Variants in SLC38A12 observed in about 807,000 individuals in gnomAD.
SLC38A12 encodes the protein solute carrier family 38 member 12.
chr17:74,799,050 C>T, the SLC38A12 span, among the ~76,000 whole-genome samples: 5 of 152,132 alleles, frequency 3.3e-5, no homozygotes, highest in African/African-American at 1.2e-4. Context: ...ATCAAGGGCA[C>T]TGCCCAGCAC....
chr17:74,839,032 T>A, the SLC38A12 span: 1 of 1,535,728 alleles, frequency 6.5e-7, no homozygotes, highest in East Asian at 2.4e-5. Context: ...ATGCCCCCGG[T>A]GCAGGCCAGG....
At chr17:74,806,098 G>A in the SLC38A12 span, among the ~76,000 whole-genome samples, 3 of 152,222 alleles carry the variant, frequency 2.0e-5, no homozygotes, top group Admixed American at 6.5e-5. Context: ...GGAGGTGTGG[G>A]TGTTTTTTCC....
the SLC38A12 span, among the ~76,000 whole-genome samples, chr17:74,832,064 AG>A: frequency 7.0e-6 from 1 of 143,286 alleles, no homozygotes; most frequent in South Asian, 2.3e-4. Flanking sequence ...GGAGGCAGGG[AG>A]GGGCCAGACA....
the SLC38A12 span, chr17:74,836,444 C>T: frequency 4.1e-5 from 66 of 1,608,116 alleles, no homozygotes; most frequent in African/African-American, 2.1e-4. The surrounding 1 kb of genome is among the most constrained non-coding windows in gnomAD (Gnocchi z 4.2). Flanking sequence ...TCTGCACCCA[C>T]GACCTGGAGT....
the SLC38A12 span, chr17:74,837,821 G>GT: frequency 1.0e-6 from 1 of 985,884 alleles, no homozygotes; most frequent in Non-Finnish European, 1.2e-6. Flanking sequence ...CATTTTCAAC[G>GT]TGCCTTCTAC....
At chr17:74,805,557 C>G in the SLC38A12 span, among the ~76,000 whole-genome samples, 2 of 152,234 alleles carry the variant, frequency 1.3e-5, no homozygotes, top group Non-Finnish European at 2.9e-5. This position sits in a 1 kb window ranked among gnomAD's most constrained non-coding sequence, Gnocchi z 5.0. Context: ...ACTTCTCAAA[C>G]CCGCTTCAAG....
the SLC38A12 span, among the ~76,000 whole-genome samples, chr17:74,779,378 T>C: frequency 6.6e-6 from 1 of 152,116 alleles, no homozygotes; most frequent in African/African-American, 2.4e-5. Context: ...GCTCTGGGCA[T>C]TGGCCATAAA....
chr17:74,837,315 C>T, the SLC38A12 span: 12 of 985,400 alleles, frequency 1.2e-5, no homozygotes, highest in Admixed American at 2.5e-4. Context: ...GATAGAGCTG[C>T]GAGGGCCCTC....
chr17:74,836,111 G>C, the SLC38A12 span: 1 of 1,613,984 alleles, frequency 6.2e-7, no homozygotes, highest in South Asian at 1.1e-5. The surrounding 1 kb of genome is among the most constrained non-coding windows in gnomAD (Gnocchi z 4.2). Flanking sequence ...ACCTCACAAG[G>C]CTGGTGTTCC....
the SLC38A12 span, among the ~76,000 whole-genome samples, chr17:74,822,453 C>G: frequency 2.6e-5 from 4 of 152,242 alleles, no homozygotes. Context: ...CATCAGGAGC[C>G]GGAGGTGGAG....
the SLC38A12 span, among the ~76,000 whole-genome samples, chr17:74,805,089 G>C: frequency 3.3e-5 from 5 of 152,292 alleles, no homozygotes; most frequent in African/African-American, 1.2e-4. This position sits in a 1 kb window ranked among gnomAD's most constrained non-coding sequence, Gnocchi z 5.0. Context: ...GTTCTGAGGA[G>C]AATTCTGTGT....
At chr17:74,835,748 G>A in the SLC38A12 span, among the ~76,000 whole-genome samples, 9 of 152,182 alleles carry the variant, frequency 5.9e-5, no homozygotes, top group East Asian at 1.9e-4. Context: ...AGAGGGATGC[G>A]GGACCTTCCT....
the SLC38A12 span, chr17:74,785,391 G>A: frequency 6.5e-7 from 1 of 1,541,234 alleles, no homozygotes; most frequent in Non-Finnish European, 8.8e-7. Context: ...GGCCTCCACA[G>A]TGGTGCCATC....
the SLC38A12 span, among the ~76,000 whole-genome samples, chr17:74,786,261 A>G: frequency 6.6e-6 from 1 of 152,204 alleles, no homozygotes; most frequent in Admixed American, 6.5e-5. Flanking sequence ...CAAGTGCCCC[A>G]GGCCAGGAAG....
At chr17:74,785,626 C>A in the SLC38A12 span, 1 of 1,609,936 alleles carries the variant, frequency 6.2e-7, no homozygotes, top group South Asian at 1.1e-5. Flanking sequence ...GGGGACTTCC[C>A]CACAGGGGCC....
the SLC38A12 span, among the ~76,000 whole-genome samples, chr17:74,782,906 G>A: frequency 6.6e-6 from 1 of 152,202 alleles, no homozygotes; most frequent in Non-Finnish European, 1.5e-5. Flanking sequence ...GAGGAGGGTG[G>A]ATCATCTGAG....
the SLC38A12 span, chr17:74,795,042 T>G: frequency 1.2e-6 from 2 of 1,614,062 alleles, no homozygotes; most frequent in Non-Finnish European, 8.5e-7. Flanking sequence ...TTCTGCATCA[T>G]CGTTTACCTG....
chr17:74,794,927 GA>G, the SLC38A12 span: 1 of 1,116,150 alleles, frequency 9.0e-7, no homozygotes, highest in Non-Finnish European at 1.3e-6. Flanking sequence ...GAGAGGTAGA[GA>G]TTTAGTCAAA....
chr17:74,790,989 C>T, the SLC38A12 span: 1 of 1,614,000 alleles, frequency 6.2e-7, no homozygotes. Context: ...TTTGAAATCA[C>T]AGACCGGGTG....
Sources: gnomAD v4.1 joint callset for allele counts (sites outside exome capture counted in the v4.1 genomes callset) on GRCh38, gnomAD v4.1.1 for gene constraint, Gnocchi (gnomAD v3.1) non-coding constraint, MANE v1.5 for transcripts, NCBI Gene and HGNC (gene_info 2026-07-23, HGNC 2026-07-21) for gene names.